The following PRKCD variants were observed in gnomAD, a reference collection of about 807,000 sequenced individuals.
The protein encoded by PRKCD is protein kinase C delta.
Under a neutral mutation model 82.2 loss-of-function variants are expected in PRKCD, and 20 were observed. The observed-to-expected ratio is 0.24, with a 90% CI of 0.17 to 0.35. The LOEUF (loss-of-function observed/expected upper bound fraction) is 0.35. PRKCD is among the 10% of genes least tolerant of loss of function. PRKCD has a pLI of 1.00. For missense variants in PRKCD, 607 were observed against 899.0 expected, an observed-to-expected ratio of 0.68 and a Z score of 4.15; for synonymous variants, 317 against 337.0, an observed-to-expected ratio of 0.94 and a Z score of 0.65.
chr3:53,186,462 C>CT lies in PRKCD; in HGVS notation c.1260+122_1260+123insT, dbSNP rs1376044085. The CT allele has an allele frequency of 4.1e-4, 578 of 1,395,918 alleles. 1 individual carries two copies. Among genetic ancestry groups the CT allele is most frequent in the East Asian group, 6.4e-4 (27 of 41,922 alleles). The allele number at this position is 1,395,918 out of a possible 1,614,324, so 86.5% of individuals were successfully genotyped here. The stretch of plus-strand genomic sequence containing the variant: ...CTTAAGGCAGGGCCATGCTTTCCCC[C>CT]CTCATGCCTCCCAGGGCAGAGTCGT... On this transcript the variant is annotated intron_variant, in intron 13 of 18. Coordinates refer to ENST00000330452, the MANE Select transcript of PRKCD (RefSeq NM_006254.4).
chr3:53,177,361 C>G (rs1247049486), intron 2 of PRKCD, among the ~76,000 whole-genome samples: 1 of 152,126 alleles, frequency 6.6e-6, no homozygotes, highest in Non-Finnish European at 1.5e-5. Context: ...GCACTCGACC[C>G]CAAGGGGTCA....
At chr3:53,183,229 G>A (rs782730210) in intron 8 of PRKCD, 23 bp downstream of exon 8, 1 of 1,612,272 alleles carries the variant, frequency 6.2e-7, no homozygotes, top group East Asian at 2.2e-5. Context: ...CCGGGGCAGG[G>A]CTGGGGATCT....
At chr3:53,179,465 G>T (rs782808774) in intron 3 of PRKCD, 112 bp from the exon 4 acceptor site, 111 of 1,380,958 alleles carry the variant, frequency 8.0e-5, no homozygotes, top group Middle Eastern at 5.3e-4. Context: ...AACCACAGCA[G>T]GCCCTCAAGG....
chr3:53,179,196 C>T (rs1371448688), intron 3 of PRKCD, among the ~76,000 whole-genome samples: 1 of 152,226 alleles, frequency 6.6e-6, no homozygotes, highest in Admixed American at 6.5e-5. Context: ...TTGGTGCATT[C>T]GCCACCCGGG....
chr3:53,174,430 G>T (rs1468871959), intron 2 of PRKCD, among the ~76,000 whole-genome samples: 2 of 152,218 alleles, frequency 1.3e-5, no homozygotes, highest in Non-Finnish European at 2.9e-5. Context: ...CTGCAGAGTG[G>T]CCATGAGTCT....
At chr3:53,178,669 C>A (rs914762103) in intron 3 of PRKCD, 132 bp downstream of exon 3, 1 of 738,488 alleles carries the variant, frequency 1.4e-6, no homozygotes, top group Non-Finnish European at 2.1e-6. Flanking sequence ...CTCCCTGCCC[C>A]ACTCAGCTAT....
At chr3:53,189,278 G>T (rs1559632338) in intron 17 of PRKCD, 32 bp downstream of exon 17, 3 of 1,551,372 alleles carry the variant, frequency 1.9e-6, no homozygotes, top group South Asian at 1.2e-5. Flanking sequence ...GGGCTGGTCT[G>T]GGCTGGGCTG....
intron 9 of PRKCD, 43 bp downstream of exon 9, chr3:53,183,624 A>G: frequency 6.2e-7 from 1 of 1,607,638 alleles, no homozygotes; most frequent in Non-Finnish European, 8.5e-7. Context: ...GGGCACTCCC[A>G]GCTGGTGCTG....
At chr3:53,187,672 G>A (rs1703760289) in intron 15 of PRKCD, among the ~76,000 whole-genome samples, 1 of 152,154 alleles carries the variant, frequency 6.6e-6, no homozygotes, top group Admixed American at 6.5e-5. Flanking sequence ...GTCTCGCTCT[G>A]AAGCCCCATC....
At chr3:53,162,848 G>T (rs1280897479) in intron 1 of PRKCD, among the ~76,000 whole-genome samples, 1 of 151,992 alleles carries the variant, frequency 6.6e-6, no homozygotes, top group African/African-American at 2.4e-5. Flanking sequence ...CTGGTGTTGG[G>T]TGCCTACCCA....
chr3:53,180,181 G>A (rs1703384606), intron 4 of PRKCD, among the ~76,000 whole-genome samples: 1 of 152,062 alleles, frequency 6.6e-6, no homozygotes, highest in Non-Finnish European at 1.5e-5. Flanking sequence ...GGCAGGATAT[G>A]CACATAGTAA....
Position 53,169,051 on chromosome 3 carries a change from G to A in PRKCD, c.-20+3836G>A, listed in dbSNP as rs1056402378. Among the ~76,000 whole-genome samples the A allele has an allele frequency of 6.6e-6, 1 of 152,132 alleles. No homozygotes were observed. On this transcript the variant is annotated intron_variant, in intron 2 of 18. Transcript: ENST00000330452. This position sits in a 1 kb window ranked among gnomAD's most constrained non-coding sequence, Gnocchi z 4.7. ...TGCAGAGCCTGGGGATGGTGGTGGT[G>A]GGAGAAGAGGATTTGAGACTTGAGG...
At chr3:53,188,882 C>T (rs1703814105) in intron 16 of PRKCD, 24 bp downstream of exon 16, 2 of 1,612,934 alleles carry the variant, frequency 1.2e-6, no homozygotes, top group Non-Finnish European at 1.7e-6. Flanking sequence ...CTTCCAGCCC[C>T]CCGCTCAGTC....
chr3:53,168,140 G>A (rs782284118), intron 2 of PRKCD, among the ~76,000 whole-genome samples: 3 of 152,252 alleles, frequency 2.0e-5, no homozygotes, highest in Non-Finnish European at 2.9e-5. Context: ...GGGGGTGGAC[G>A]TAAGCCCTCC....
chr3:53,170,290 C>G, intron 2 of PRKCD, among the ~76,000 whole-genome samples: 1 of 152,248 alleles, frequency 6.6e-6, no homozygotes, highest in East Asian at 1.9e-4. Context: ...TCTCTCCCCA[C>G]TTCCCCCTGG....
At chr3:53,179,408 C>T (rs891459639) in intron 3 of PRKCD, 169 bp from the exon 4 acceptor site, 65 of 828,420 alleles carry the variant, frequency 7.8e-5, no homozygotes, top group Non-Finnish European at 1.3e-4. Context: ...GGAGGGAGGA[C>T]CTAGCAGGGT....
intron 15 of PRKCD, among the ~76,000 whole-genome samples, chr3:53,187,743 G>T (rs1177642503): frequency 1.3e-5 from 2 of 152,164 alleles, no homozygotes; most frequent in African/African-American, 4.8e-5. Flanking sequence ...AATAAGTTAT[G>T]ATTCCATCCT....
intron 9 of PRKCD, 24 bp from the exon 10 acceptor site, chr3:53,184,850 A>G: frequency 1.2e-6 from 2 of 1,608,836 alleles, no homozygotes; most frequent in Non-Finnish European, 1.7e-6. Context: ...TGAGACTGAC[A>G]GCCCCGCTTC....
rs562655604 is a variant in PRKCD at position 53,166,135 on chromosome 3, A to G, written c.-20+920A>G. Among the ~76,000 whole-genome samples, 3 of 152,278 alleles carry G rather than the reference A, an allele frequency of 2.0e-5. No homozygotes were observed. In the South Asian group the frequency reaches 6.2e-4, roughly 32 times the overall value. On this transcript the variant is annotated intron_variant, in intron 2 of 18. Coordinates refer to ENST00000330452, the MANE Select transcript of PRKCD (RefSeq NM_006254.4). Reference sequence around the variant, plus strand: ...CACCTATAGGTCTGTGAGTAGAGCCATAAAGGCTGGGCTTCCTGGGCCTGA... The same window carrying G: ...CACCTATAGGTCTGTGAGTAGAGCCGTAAAGGCTGGGCTTCCTGGGCCTGA...
Sources: allele counts gnomAD v4.1 joint callset (sites outside exome capture counted in the v4.1 genomes callset), GRCh38; gene constraint gnomAD v4.1.1; non-coding constraint Gnocchi (gnomAD v3.1); transcripts MANE v1.5; gene names NCBI Gene and HGNC (gene_info 2026-07-23, HGNC 2026-07-21).